The following TMEM132D variants were observed in gnomAD, a reference collection of about 807,000 sequenced individuals.
The protein encoded by TMEM132D is transmembrane protein 132D.
Under a neutral mutation model 62.3 loss-of-function variants are expected in TMEM132D, and 21 were observed. The observed-to-expected ratio is 0.34, with a 90% CI of 0.24 to 0.49. TMEM132D has a LOEUF of 0.49. Ranked by LOEUF, TMEM132D falls within the 20% of genes least tolerant of loss-of-function variation. The pLI, the probability that TMEM132D is intolerant of heterozygous loss-of-function variation, is 0.99. For synonymous variants in TMEM132D, 621 were observed against 575.6 expected (o/e 1.08, Z -1.13); for missense variants, 1,346 against 1,402.8 (o/e 0.96, Z 0.65).
intron 1 of TMEM132D, among the ~76,000 whole-genome samples, chr12:129,889,298 T>C (rs1874846344): frequency 6.6e-6 from 1 of 152,166 alleles, no homozygotes; most frequent in African/African-American, 2.4e-5. Context: ...CTCTCTGCAG[T>C]TGGATGGCAG....
In TMEM132D at chr12:129,779,548, G is replaced by A. The variant is rs1156447697; in HGVS notation, c.80-78850C>T. ...CCTGCCTGCCTCAGCCTCCCAAAGT[G>A]TTGGGATTACAGGTGTGAGCCACCA... On this transcript the variant is annotated intron_variant, in intron 1 of 8. Transcript: ENST00000422113. The surrounding 1 kb of genome is among the most constrained non-coding windows in gnomAD (Gnocchi z 4.1). Among the ~76,000 whole-genome samples, 1 of 152,166 alleles carries A rather than the reference G, an allele frequency of 6.6e-6. No individual in the cohort carries two copies. Among genetic ancestry groups the A allele is most frequent in the Non-Finnish European group, 1.5e-5 (1 of 68,024 alleles).
At chr12:129,218,208 T>C (rs1302536504) in intron 4 of TMEM132D, among the ~76,000 whole-genome samples, 2 of 152,228 alleles carry the variant, frequency 1.3e-5, no homozygotes, top group Non-Finnish European at 2.9e-5. Context: ...AGAGCCCCTA[T>C]TCTTGCAATA....
intron 5 of TMEM132D, among the ~76,000 whole-genome samples, chr12:129,155,752 C>T (rs1877221887): frequency 6.6e-6 from 1 of 152,142 alleles, no homozygotes. Flanking sequence ...TATAACCAAC[C>T]CACTCCCAAG....
intron 1 of TMEM132D, among the ~76,000 whole-genome samples, chr12:129,797,955 G>A (rs1347120885): frequency 6.6e-6 from 1 of 152,156 alleles, no homozygotes; most frequent in Admixed American, 6.5e-5. Context: ...CTGGATCATG[G>A]GGATGGATTT....
chr12:129,419,083 C>T (rs1371721812), intron 3 of TMEM132D, among the ~76,000 whole-genome samples: 1 of 152,216 alleles, frequency 6.6e-6, no homozygotes, highest in Non-Finnish European at 1.5e-5. Context: ...AGACACTAAA[C>T]TTCTGTTGCC....
At chr12:129,878,679 C>T (rs780104139) in intron 1 of TMEM132D, among the ~76,000 whole-genome samples, 3 of 151,802 alleles carry the variant, frequency 2.0e-5, no homozygotes, top group Admixed American at 6.6e-5. Context: ...CGGGTTCAAA[C>T]GATTTTCCTG....
intron 3 of TMEM132D, among the ~76,000 whole-genome samples, chr12:129,503,026 C>T (rs1031800109): frequency 2.0e-5 from 3 of 152,190 alleles, no homozygotes; most frequent in African/African-American, 7.2e-5. Flanking sequence ...ACATATCACA[C>T]AATAGGTGTC....
At chr12:129,638,480 A>ATATATGCT (rs1879545178) in intron 2 of TMEM132D, among the ~76,000 whole-genome samples, 1 of 117,840 alleles carries the variant, frequency 8.5e-6, no homozygotes, top group African/African-American at 3.0e-5. Flanking sequence ...CTATATATAT[A>ATATATGCT]GTGTGATTTT....
intron 3 of TMEM132D, among the ~76,000 whole-genome samples, chr12:129,420,306 G>GGTTTTTT (rs1457529737): frequency 8.9e-6 from 1 of 112,310 alleles, no homozygotes; most frequent in African/African-American, 4.0e-5. Flanking sequence ...CACGTTCTCT[G>GGTTTTTT]TTTTTTTTTT....
At chr12:129,620,944 A>G (rs544547199) in intron 2 of TMEM132D, among the ~76,000 whole-genome samples, 1 of 152,334 alleles carries the variant, frequency 6.6e-6, no homozygotes, top group Admixed American at 6.5e-5. Context: ...CTATGTAACA[A>G]ATCTGCACAT....
At chr12:129,305,103 G>C (rs1030785357) in intron 4 of TMEM132D, among the ~76,000 whole-genome samples, 3 of 152,164 alleles carry the variant, frequency 2.0e-5, no homozygotes, top group Non-Finnish European at 4.4e-5. Flanking sequence ...CAAGAAAGAA[G>C]TTTAACTGAG....
intron 2 of TMEM132D, among the ~76,000 whole-genome samples, chr12:129,617,575 A>T (rs533662825): frequency 1.4e-3 from 216 of 152,050 alleles, no homozygotes; most frequent in African/African-American, 5.1e-3. Context: ...CTTCTTTTTC[A>T]TTGAAAGGAG....
chr12:129,823,805 C>A (rs930296633), intron 1 of TMEM132D, among the ~76,000 whole-genome samples: 5 of 152,154 alleles, frequency 3.3e-5, no homozygotes, highest in African/African-American at 1.2e-4. Context: ...GGGAACAATA[C>A]CTATCTTATA....
rs188387091 is a variant in TMEM132D, at chr12:129,430,060, T to C, written c.1116-92243A>G. On this transcript the variant is annotated intron_variant, in intron 3 of 8. Coordinates refer to ENST00000422113, the MANE Select transcript of TMEM132D (RefSeq NM_133448.3). ...ATAAACATACGTGTGTATGTGTCTT[T>C]ATAGCAGCATGATTTACAATCCTTT... Among the ~76,000 whole-genome samples, 65 of 152,266 alleles carry C rather than the reference T, an allele frequency of 4.3e-4. No homozygotes were observed. The East Asian group carries it at 0.011, about 27-fold the overall frequency.
At chr12:129,158,631 G>C (rs1877312428) in intron 5 of TMEM132D, among the ~76,000 whole-genome samples, 2 of 152,200 alleles carry the variant, frequency 1.3e-5, no homozygotes, top group African/African-American at 4.8e-5. Flanking sequence ...AAGGATATCT[G>C]TCTTCAAGTG....
intron 2 of TMEM132D, among the ~76,000 whole-genome samples, chr12:129,638,803 A>C (rs1394583041): frequency 6.6e-5 from 10 of 152,038 alleles, no homozygotes; most frequent in Non-Finnish European, 1.3e-4. Flanking sequence ...CCAATGCTGT[A>C]AGCAGTCCCC....
chr12:129,571,057 C>T (rs533299183), intron 2 of TMEM132D, among the ~76,000 whole-genome samples: 4 of 152,286 alleles, frequency 2.6e-5, no homozygotes, highest in East Asian at 1.9e-4. Flanking sequence ...AATTAGACTA[C>T]GTTAGAGATA....
rs142222659 is a variant in TMEM132D at position 129,684,348 on chromosome 12, C to A, written c.968+15462G>T. 3.3e-4 allele frequency among the ~76,000 whole-genome samples: 50 copies of A among 152,144 alleles called. No homozygotes were observed. The East Asian group carries it at 9.7e-3, about 30-fold the overall frequency. On this transcript the variant is annotated intron_variant, in intron 2 of 8. Transcript: ENST00000422113. Reference sequence around the variant, plus strand: ...TTTATAAGGGGCGTTTCCCCCTTTGCTTGGCACTTTTCCTTCCTGCCATCA... The same window carrying A: ...TTTATAAGGGGCGTTTCCCCCTTTGATTGGCACTTTTCCTTCCTGCCATCA...
At chr12:129,332,494 G>C (rs34399500) in intron 4 of TMEM132D, among the ~76,000 whole-genome samples, 21,932 of 152,176 alleles carry the variant, frequency 0.14, 2,041 homozygotes, top group Non-Finnish European at 0.2. Flanking sequence ...GAGGCCACCA[G>C]CTTCAGCTCA....
Sources: gnomAD v4.1 joint callset for allele counts (sites outside exome capture counted in the v4.1 genomes callset) on GRCh38, gnomAD v4.1.1 for gene constraint, Gnocchi (gnomAD v3.1) non-coding constraint, MANE v1.5 for transcripts, NCBI Gene and HGNC (gene_info 2026-07-23, HGNC 2026-07-21) for gene names.